TRAK1: variants seen among roughly 807,000 people sequenced by gnomAD.
TRAK1 encodes trafficking kinesin protein 1.
In TRAK1, 33 loss-of-function variants were observed where a neutral mutation model predicts 92.1. The observed-to-expected ratio is 0.36, with a 90% CI of 0.27 to 0.48. The LOEUF (loss-of-function observed/expected upper bound fraction) is 0.48, where lower values mean the gene tolerates loss of function less well. Among genes scored for constraint, TRAK1 ranks in the 20% least tolerant of loss-of-function variants. The pLI is 0.99. For synonymous variants in TRAK1, 521 were observed against 517.3 expected, an observed-to-expected ratio of 1.01 and a Z score of -0.10; for missense variants, 1,123 against 1,257.9, an observed-to-expected ratio of 0.89 and a Z score of 1.62.
At chr3:42,044,136 C>T (rs1376792910) in intron 1 of TRAK1, among the ~76,000 whole-genome samples, 3 of 152,108 alleles carry the variant, frequency 2.0e-5, no homozygotes, top group Non-Finnish European at 4.4e-5. Flanking sequence ...CCAGTCTGTC[C>T]TTTTCATCCC....
At chr3:42,119,652 A>G (rs568935519) in intron 1 of TRAK1, among the ~76,000 whole-genome samples, 23 of 152,370 alleles carry the variant, frequency 1.5e-4, no homozygotes, top group African/African-American at 5.5e-4. Flanking sequence ...GCATGGCTCC[A>G]GCACCAGGCC....
At position 42,215,214 on chromosome 3, in the gene TRAK1, T is replaced by A. The variant is rs1297854630; in HGVS notation, c.1964-4280T>A. On this transcript the variant is annotated intron_variant, in intron 14 of 15. Coordinates refer to ENST00000327628, the MANE Select transcript of TRAK1 (RefSeq NM_001042646.3). ...CATCTTCCATGCCCTGATATTTTAGTCTTTTAGGAAGAGATAAAGCATTGC... is the reference window on the plus strand; with the variant it reads ...CATCTTCCATGCCCTGATATTTTAGACTTTTAGGAAGAGATAAAGCATTGC... Among the ~76,000 whole-genome samples the A allele has an allele frequency of 7.2e-5, 11 of 152,188 alleles. No individual in the cohort carries two copies. In the East Asian group the frequency reaches 2.1e-3, roughly 29 times the overall value.
intron 3 of TRAK1, among the ~76,000 whole-genome samples, chr3:42,183,517 C>T (rs1704321154): frequency 6.9e-6 from 1 of 145,732 alleles, no homozygotes; most frequent in Non-Finnish European, 1.5e-5. Flanking sequence ...GATCGTGCTA[C>T]TGTATCCAAC....
At chr3:42,146,957 G>T (rs1326012925) in intron 2 of TRAK1, among the ~76,000 whole-genome samples, 3 of 152,142 alleles carry the variant, frequency 2.0e-5, no homozygotes, top group African/African-American at 7.2e-5. Context: ...GGAGTTTGTT[G>T]TTAACTATTT....
intron 2 of TRAK1, among the ~76,000 whole-genome samples, chr3:42,166,019 A>G (rs1171763131): frequency 1.3e-5 from 2 of 151,912 alleles, no homozygotes; most frequent in East Asian, 1.9e-4. Context: ...GCTTTCTTGT[A>G]TCATCTGAGC....
At chr3:42,013,678 G>GGCGCCCGCAACAGTGCCC (rs1400371705), upstream of TRAK1, 4 of 147,192 alleles carry the variant, frequency 2.7e-5, no homozygotes, top group Non-Finnish European at 4.5e-5. This position sits in a 1 kb window ranked among gnomAD's most constrained non-coding sequence, Gnocchi z 5.1. Flanking sequence ...GCCGCGCGGC[G>GGCGCCCGCAACAGTGCCC]GCGCCCGCAA....
At chr3:42,220,578 G>T in intron 15 of TRAK1, 24 of 985,434 alleles carry the variant, frequency 2.4e-5, no homozygotes, top group Non-Finnish European at 2.9e-5. Context: ...CTGAGCCCAC[G>T]GGCGAGGCAG....
intron 1 of TRAK1, among the ~76,000 whole-genome samples, chr3:42,099,602 CAGAGAGGG>C (rs1706446649): frequency 6.6e-6 from 1 of 152,184 alleles, no homozygotes; most frequent in Non-Finnish European, 1.5e-5. Context: ...CCCAGCCACG[CAGAGAGGG>C]AGAGTCATGC....
chr3:42,192,101 C>T (rs1705845843), intron 7 of TRAK1, among the ~76,000 whole-genome samples: 1 of 152,000 alleles, frequency 6.6e-6, no homozygotes, highest in Non-Finnish European at 1.5e-5. Flanking sequence ...AAGGTTTCAC[C>T]ATGTTGGCCA....
chr3:42,122,099 T>C (rs922553268), intron 1 of TRAK1, among the ~76,000 whole-genome samples: 2 of 152,174 alleles, frequency 1.3e-5, no homozygotes, highest in Non-Finnish European at 2.9e-5. Context: ...ATTACAGGTG[T>C]GAGCCACTGC....
chr3:42,193,331 A>G, intron 8 of TRAK1, 126 bp downstream of exon 8: 1 of 1,377,372 alleles, frequency 7.3e-7, no homozygotes, highest in South Asian at 1.5e-5. Flanking sequence ...CGCTTTGCAG[A>G]AAAAGCTTAG....
At chr3:42,150,498 G>A (rs1699839190) in intron 2 of TRAK1, among the ~76,000 whole-genome samples, 1 of 151,748 alleles carries the variant, frequency 6.6e-6, no homozygotes, top group South Asian at 2.1e-4. Context: ...ACACTTTGAG[G>A]GTCTGTTCCC....
At chr3:42,114,937 T>A (rs1708975644) in intron 1 of TRAK1, among the ~76,000 whole-genome samples, 1 of 152,184 alleles carries the variant, frequency 6.6e-6, no homozygotes, top group Non-Finnish European at 1.5e-5. Flanking sequence ...GATCTCGAAC[T>A]CCTAGCCTCT....
upstream of TRAK1, chr3:42,087,042 A>G (rs1704712727): frequency 6.6e-6 from 1 of 152,236 alleles, no homozygotes; most frequent in South Asian, 2.1e-4. Flanking sequence ...CTCATTTTCT[A>G]AAGATTGTCC....
chr3:42,157,264 G>T (rs1177013391), intron 2 of TRAK1, among the ~76,000 whole-genome samples: 1 of 151,436 alleles, frequency 6.6e-6, no homozygotes, highest in African/African-American at 2.4e-5. Context: ...TTTGAGACCA[G>T]CCTGGACAAC....
At chr3:42,091,171 G>A (rs1428128672), upstream of TRAK1, 1 of 357,746 alleles carries the variant, frequency 2.8e-6, no homozygotes, top group East Asian at 6.7e-5. Flanking sequence ...CCATCACAAA[G>A]CCCCGTTCTC....
At chr3:42,189,392 C>T (rs1476715277) in intron 6 of TRAK1, among the ~76,000 whole-genome samples, 2 of 152,196 alleles carry the variant, frequency 1.3e-5, no homozygotes, top group African/African-American at 2.4e-5. Flanking sequence ...CACAGTCACT[C>T]CTGCAGTGAG....
chr3:42,026,335 G>C (rs551534087), intron 1 of TRAK1, among the ~76,000 whole-genome samples: 15 of 152,244 alleles, frequency 9.9e-5, no homozygotes, highest in African/African-American at 3.1e-4. Flanking sequence ...TGCGTGGTTA[G>C]CTTGCTGCCT....
intron 1 of TRAK1, among the ~76,000 whole-genome samples, chr3:42,033,951 C>T (rs1329960370): frequency 6.6e-6 from 1 of 152,198 alleles, no homozygotes; most frequent in Non-Finnish European, 1.5e-5. Context: ...TGATCCATCT[C>T]CTGTCCAGTG....
Sources: gnomAD v4.1 joint callset for allele counts (sites outside exome capture counted in the v4.1 genomes callset) on GRCh38, gnomAD v4.1.1 for gene constraint, Gnocchi (gnomAD v3.1) non-coding constraint, MANE v1.5 for transcripts, NCBI Gene and HGNC (gene_info 2026-07-23, HGNC 2026-07-21) for gene names.